TNK2: variants seen among roughly 807,000 people sequenced by gnomAD.
The protein encoded by TNK2 is activated CDC42 kinase 1.
A neutral mutation model predicts 101.8 loss-of-function variants in TNK2; 83 were observed. The ratio of observed to expected loss-of-function variants is 0.82; its 90% CI spans 0.68 to 0.98. The LOEUF is 0.98. Among genes scored for constraint, TNK2 ranks in the 50% least tolerant of loss-of-function variants. The pLI, the probability that TNK2 is intolerant of heterozygous loss-of-function variation, is 0.00. For missense variants in TNK2, 1,665 were observed against 1,483.2 expected (o/e 1.12, Z -2.01); for synonymous variants, 804 against 633.0 (o/e 1.27, Z -4.06).
At position 195,884,643 on chromosome 3, in the gene TNK2, C is replaced by G. The variant is rs991332664; in HGVS notation, c.456+169G>C. 1.1e-5 allele frequency: 7 copies of G among 638,660 alleles called. No individual in the cohort carries two copies. The African/African-American group carries it at 1.3e-4, about 12-fold the overall frequency. 39.6% of individuals were successfully genotyped at this position (638,660 alleles called of 1,614,324 possible). On this transcript the variant is annotated intron_variant, in intron 4 of 15. Transcript: ENST00000672887. ...TGGGCGACAGAGCGAGACTCCATCT[C>G]AAAAATAAATAAATAAATAAAACCC...
chr3:195,896,201 CG>C, intron 1 of TNK2: 1 of 433,698 alleles, frequency 2.3e-6, no homozygotes, highest in Non-Finnish European at 4.6e-6. Flanking sequence ...TCCTCTCCCC[CG>C]GGGCCCCAAG....
At chr3:195,875,645 C>T (rs1184486916) in intron 9 of TNK2, among the ~76,000 whole-genome samples, 1 of 108,336 alleles carries the variant, frequency 9.2e-6, no homozygotes, top group Non-Finnish European at 1.8e-5. Context: ...TCCAGGCCCG[C>T]CCTGTCCGCG....
Position 195,872,330 on chromosome 3 carries a change from CCTGTGTGGATGAAG to C in TNK2, c.1383_1396del (p.Ser461ArgfsTer6). On this transcript the variant is annotated frameshift_variant, in exon 10 of 16. Coordinates refer to ENST00000672887, the MANE Select transcript of TNK2 (RefSeq NM_001382273.1). LOFTEE classifies it high-confidence loss of function. The stretch of plus-strand genomic sequence containing the variant: ...GTGGCGGGGGTCACTGTCGCCATGC[CCTGTGTGGATGAAG>C]CTGTTCTGCAGGGGCTGGCTGATGT... The C allele has an allele frequency of 6.2e-7, 1 of 1,613,326 alleles. No individual in the cohort carries two copies. The highest frequency in any genetic ancestry group is 8.5e-7 in the Non-Finnish European group (1 of 1,179,948).
chr3:195,900,237 C>T (rs758732961), intron 1 of TNK2, among the ~76,000 whole-genome samples: 9 of 151,862 alleles, frequency 5.9e-5, no homozygotes, highest in Non-Finnish European at 1.3e-4. Flanking sequence ...GTCAGGATCC[C>T]AGCTCACCGA....
chr3:195,883,065 G>A (rs987301493), intron 5 of TNK2, 92 bp downstream of exon 5: 49 of 1,480,110 alleles, frequency 3.3e-5, no homozygotes, highest in Non-Finnish European at 4.2e-5. Flanking sequence ...GATCTAGGGC[G>A]CCTCTGACCT....
At chr3:195,864,691 C>T (rs897111567) in intron 15 of TNK2, among the ~76,000 whole-genome samples, 12 of 137,868 alleles carry the variant, frequency 8.7e-5, no homozygotes, top group Non-Finnish European at 1.7e-4. Context: ...CGAGTGCCTG[C>T]GTCCCAGATG....
At chr3:195,871,070 T>C (rs1006322202) in intron 10 of TNK2, among the ~76,000 whole-genome samples, 1 of 145,282 alleles carries the variant, frequency 6.9e-6, no homozygotes, top group African/African-American at 2.6e-5. Flanking sequence ...TGAAGGCCCC[T>C]GCTTTCCACG....
At chr3:195,872,252 C>T (rs1459568509) in intron 10 of TNK2, 24 bp downstream of exon 10, 10 of 1,612,398 alleles carry the variant, frequency 6.2e-6, no homozygotes, top group Non-Finnish European at 8.5e-6. Flanking sequence ...GCCAGGTCAG[C>T]ATCCATCCCC....
chr3:195,878,726 TG>T lies in TNK2; in HGVS notation c.1015-135del. 7.4e-7 allele frequency: 1 copy of T among 1,347,348 alleles called. No homozygotes were observed. Among genetic ancestry groups the T allele is most frequent in the Non-Finnish European group, 1.0e-6 (1 of 1,002,064 alleles). The allele number at this position is 1,347,348 out of a possible 1,614,324, so 83.5% of individuals were successfully genotyped here. A position where few individuals can be genotyped will look rare whatever the true frequency, so the allele number is the denominator to read the frequency against. On this transcript the variant is annotated intron_variant, in intron 7 of 15. Coordinates refer to ENST00000672887, the MANE Select transcript of TNK2 (RefSeq NM_001382273.1). This position sits in a 1 kb window ranked among gnomAD's most constrained non-coding sequence, Gnocchi z 4.7. ...CCTCCAAAGAAGGGATCTGCCTGCC[TG>T]GGAGGGGCCCTCTCCAGAGCCCCAG...
rs1742252934 is a variant in TNK2, at chr3:195,868,209, G to A, written c.2089C>T (p.Pro697Ser). 3.1e-6 allele frequency: 5 copies of A among 1,608,078 alleles called. No individual in the cohort carries two copies. Among genetic ancestry groups the A allele is most frequent in the East Asian group, 4.5e-5 (2 of 44,816 alleles). Reference sequence around the variant, plus strand: ...GGGAGGAACAGGTTGTCCTCCAGGGGAGGGGGCGGCCGCGCCTGCTCAGGC... The same window carrying A: ...GGGAGGAACAGGTTGTCCTCCAGGGAAGGGGGCGGCCGCGCCTGCTCAGGC... ...FVPEQARPPP[P>S]LEDNLFLPPQ... is the part of the protein sequence containing the mutation. Residue 697 changes from proline to serine, a missense_variant, in exon 13 of 16, where the codon CCC (proline) becomes TCC (serine). Coordinates refer to ENST00000672887, the MANE Select transcript of TNK2 (RefSeq NM_001382273.1).
At chr3:195,869,133 C>T (rs996950568) in intron 12 of TNK2, 1 of 514,834 alleles carries the variant, frequency 1.9e-6, no homozygotes, top group Non-Finnish European at 3.5e-6. Context: ...TAAGGACTAT[C>T]CTTGGAGAGG....
chr3:195,868,841 A>AG, intron 12 of TNK2, 132 bp from the exon 13 acceptor site: 1 of 1,144,674 alleles, frequency 8.7e-7, no homozygotes, highest in Non-Finnish European at 1.2e-6. Flanking sequence ...CCGAGGTCTG[A>AG]GGTCAGCCAC....
At chr3:195,906,832 T>C (rs1212034000) in intron 1 of TNK2, among the ~76,000 whole-genome samples, 14 of 152,174 alleles carry the variant, frequency 9.2e-5, no homozygotes, top group Admixed American at 9.2e-4. Flanking sequence ...TGGGGGCTAA[T>C]CCCGGGCTCA....
chr3:195,901,277 T>A (rs1485198429), intron 1 of TNK2, among the ~76,000 whole-genome samples: 5 of 152,148 alleles, frequency 3.3e-5, no homozygotes, highest in African/African-American at 1.2e-4. Flanking sequence ...TCATGGAGGC[T>A]CAGGATCTGG....
Position 195,899,425 on chromosome 3 carries a change from T to A in TNK2, c.-19+9060A>T, listed in dbSNP as rs1447690195. 3.3e-5 allele frequency among the ~76,000 whole-genome samples: 5 copies of A among 151,950 alleles called. No homozygotes were observed. The East Asian group carries it at 9.7e-4, about 30-fold the overall frequency. ...GACTGCAACCTCTGCCTCCCGGGTT[T>A]AAGCGATTCTCCTGCCTCAGCCTCC... On this transcript the variant is annotated intron_variant, in intron 1 of 15. Transcript: ENST00000672887.
At chr3:195,884,037 G>A (rs757500406) in intron 4 of TNK2, 10 of 152,364 alleles carry the variant, frequency 6.6e-5, no homozygotes, top group Non-Finnish European at 1.3e-4. Flanking sequence ...TGCACCGCAC[G>A]TGATCTGAGC....
chr3:195,895,266 C>T (rs766349106), intron 1 of TNK2: 3 of 1,558,934 alleles, frequency 1.9e-6, no homozygotes, highest in Non-Finnish European at 2.6e-6. Flanking sequence ...TCCTCGCCCC[C>T]AGCCAGGCGC....
At chr3:195,868,805 C>T (rs1742730329) in intron 12 of TNK2, 96 bp from the exon 13 acceptor site, 5 of 1,382,570 alleles carry the variant, frequency 3.6e-6, no homozygotes. Context: ...AAGTGTCCCC[C>T]AGCAACCCTC....
chr3:195,869,366 G>A (rs62283330), intron 12 of TNK2, 131 bp downstream of exon 12: 175,467 of 967,356 alleles, frequency 0.18, 19,369 homozygotes, highest in Middle Eastern at 0.22. Flanking sequence ...CAGGGCAGCC[G>A]CGGAAGCTCA....
Sources: allele counts gnomAD v4.1 joint callset (sites outside exome capture counted in the v4.1 genomes callset), GRCh38; gene constraint gnomAD v4.1.1; non-coding constraint Gnocchi (gnomAD v3.1); transcripts MANE v1.5; gene names NCBI Gene and HGNC (gene_info 2026-07-23, HGNC 2026-07-21).